The following GLOD5 variants were observed in gnomAD, a reference collection of about 807,000 sequenced individuals.
The protein encoded by GLOD5 is glyoxalase domain containing 5, also known as glyoxalase domain-containing protein 5.
Under a neutral mutation model 9.9 loss-of-function variants are expected in GLOD5, and 7 were observed. That is an observed-to-expected ratio of 0.71 (90% CI 0.40 to 1.33). The LOEUF (loss-of-function observed/expected upper bound fraction) is 1.33, where lower values mean the gene tolerates loss of function less well. Among genes scored for constraint, GLOD5 ranks in the 40% most tolerant of loss-of-function variants. The probability of loss-of-function intolerance (pLI) is 0.01; values close to 1 mark genes in which losing one functional copy is unlikely to be tolerated. For synonymous variants in GLOD5, 49 were observed against 47.3 expected (o/e 1.04, Z -0.14); for missense variants, 146 against 128.4 (o/e 1.14, Z -0.66).
Position 48,765,838 on chromosome X carries a change from T to G in GLOD5, c.67T>G (p.Trp23Gly). 1 of 1,186,070 alleles carries G rather than the reference T, an allele frequency of 8.4e-7. No homozygotes were observed. Among genetic ancestry groups the G allele is most frequent in the Non-Finnish European group, 1.1e-6 (1 of 883,654 alleles). The change falls in exon 2 of 4, where the codon TGG (tryptophan) becomes GGG (glycine). Residue 23 changes from tryptophan (W) to glycine (G), a missense_variant. Coordinates refer to ENST00000303227, the MANE Select transcript of GLOD5 (RefSeq NM_001080489.3). ...TGACTTTTTTTTCTTTTTTTAGTCATGGAGGGACAGCAGTCAGACCCCTCC... is the reference window on the plus strand; with the variant it reads ...TGACTTTTTTTTCTTTTTTTAGTCAGGGAGGGACAGCAGTCAGACCCCTCC... ...MWGRTLEKQS[W>G]RDSSQTPPPC...
intron 1 of GLOD5, 35 bp from the exon 2 acceptor site, chrX:48,765,800 A>G: frequency 1.7e-6 from 2 of 1,186,051 alleles, no homozygotes; most frequent in Non-Finnish European, 2.3e-6. Context: ...ACAAGTGGCA[A>G]TGTGGTCTCT....
chrX:48,765,897 G>A lies in GLOD5; in HGVS notation c.126G>A (p.Val42=). The A allele has an allele frequency of 1.7e-6, 2 of 1,202,482 alleles. No homozygotes were observed. Among genetic ancestry groups the A allele is most frequent in the Non-Finnish European group, 2.2e-6 (2 of 889,780 alleles). ...TTATCCGTAGACTTGACCACATCGT[G>A]ATGACGGTGAAGAGCATCAAAGACA... ...PCLIRRLDHI[V]MTVKSIKDTT... The change falls in exon 2 of 4, where the codon GTG becomes GTA. Residue 42 remains valine (V), a synonymous_variant. Coordinates refer to ENST00000303227, the MANE Select transcript of GLOD5 (RefSeq NM_001080489.3).
In GLOD5 at chrX:48,771,052, G is replaced by T. The variant is rs782363120; in HGVS notation, c.327G>T (p.Val109=). ...TGGACATATGTCTGATCACAGAGGT[G>T]CCTTTGGAGGAAATGATCCAGCACC... The part of the protein sequence containing the change: ...GSLDICLITE[V]PLEEMIQHLK... Residue 109 remains valine, a synonymous_variant, in exon 3 of 4, where the codon GTG becomes GTT. Transcript: ENST00000303227. 1 of 1,194,800 alleles carries T rather than the reference G, an allele frequency of 8.4e-7. No homozygotes were observed. Among genetic ancestry groups the T allele is most frequent in the Admixed American group, 2.3e-5 (1 of 42,626 alleles).
chrX:48,773,425 TCTC>T lies in GLOD5; in HGVS notation c.477_479del (p.Ser160del), dbSNP rs1557017722. The T allele has an allele frequency of 7.5e-6, 9 of 1,205,939 alleles. No homozygotes were observed. The highest frequency in any genetic ancestry group is 2.3e-4 in the Middle Eastern group (1 of 4,362). On this transcript the variant is annotated inframe_deletion, in exon 4 of 4. Coordinates refer to ENST00000303227, the MANE Select transcript of GLOD5 (RefSeq NM_001080489.3). Reference sequence around the variant, plus strand: ...AATCTGATTGAGGTGTCCAACTACATCTCCTCGTGATGGAGGCTGGACCTCCTC... The same window carrying T: ...AATCTGATTGAGGTGTCCAACTACATCTCGTGATGGAGGCTGGACCTCCTC...
At position 48,771,050 on chromosome X, in the gene GLOD5, G is replaced by C. The variant is rs368876870; in HGVS notation, c.325G>C (p.Val109Leu). 4 of 1,193,856 alleles carry C rather than the reference G, an allele frequency of 3.4e-6. No individual in the cohort carries two copies. Among genetic ancestry groups the C allele is most frequent in the Non-Finnish European group, 4.5e-6 (4 of 889,062 alleles). ...GSLDICLITE[V>L]PLEEMIQHLK... is the part of the protein sequence containing the mutation. ...CCTGGACATATGTCTGATCACAGAGGTGCCTTTGGAGGAAATGATCCAGCA... is the reference window on the plus strand; with the variant it reads ...CCTGGACATATGTCTGATCACAGAGCTGCCTTTGGAGGAAATGATCCAGCA... Residue 109 changes from valine to leucine, a missense_variant, in exon 3 of 4, where the codon GTG (valine) becomes CTG (leucine). Transcript: ENST00000303227.
At chrX:48,767,559 T>C (rs2062612470) in intron 2 of GLOD5, among the ~76,000 whole-genome samples, 2 of 111,019 alleles carry the variant, frequency 1.8e-5, no homozygotes, top group Non-Finnish European at 3.8e-5. Context: ...CAGCCTATAA[T>C]CCCACACAGG....
rs782013142 is a variant in GLOD5 at position 48,770,934 on chromosome X, G to A, written c.209G>A (p.Arg70Gln). 15 of 1,183,708 alleles carry A rather than the reference G, an allele frequency of 1.3e-5. No individual in the cohort carries two copies. The highest frequency in any genetic ancestry group is 8.9e-5 in the African/African-American group (5 of 55,879). Reference sequence around the variant, plus strand: ...CCCCTCCCCACCAAGTAGGAAGACCGGAAAGCACTGTGTTTTGGAGACCAG... The same window carrying A: ...CCCCTCCCCACCAAGTAGGAAGACCAGAAAGCACTGTGTTTTGGAGACCAG... ...GMEVMTFKED[R>Q]KALCFGDQKF... is the part of the protein sequence containing the mutation. The change falls in exon 3 of 4, where the codon CGG becomes CAG. Residue 70 changes from arginine to glutamine, a missense_variant. Transcript: ENST00000303227.
chrX:48,762,422 T>A (rs1557016116), intron 1 of GLOD5: 4 of 107,966 alleles, frequency 3.7e-5, no homozygotes, highest in Admixed American at 1.0e-4. Flanking sequence ...GTAAGCCTTG[T>A]GTGATTACTA....
At chrX:48,771,863 A>G (rs2062623152) in intron 3 of GLOD5, among the ~76,000 whole-genome samples, 1 of 111,781 alleles carries the variant, frequency 8.9e-6, no homozygotes, top group Non-Finnish European at 1.9e-5. Flanking sequence ...GAAGGACTGA[A>G]AGAAGATTGG....
chrX:48,762,502 A>T (rs7888327), intron 1 of GLOD5: 28,876 of 99,241 alleles, frequency 0.29, 4,639 homozygotes, highest in African/African-American at 0.56. Flanking sequence ...GCAGTGGTGC[A>T]ATCTCAGGTC....
intron 2 of GLOD5, among the ~76,000 whole-genome samples, chrX:48,767,591 T>G (rs1280436949): frequency 1.8e-5 from 2 of 111,698 alleles, no homozygotes; most frequent in Admixed American, 1.9e-4. Context: ...GCGCCTGTAA[T>G]CCCAGCTACT....
chrX:48,766,076 G>A, intron 2 of GLOD5, 104 bp downstream of exon 2: 1 of 783,713 alleles, frequency 1.3e-6, no homozygotes, highest in East Asian at 3.5e-5. Context: ...AAATCTGAGA[G>A]AAAATATAAA....
intron 3 of GLOD5, among the ~76,000 whole-genome samples, chrX:48,771,480 T>C (rs995369101): frequency 1.8e-5 from 2 of 110,308 alleles, no homozygotes; most frequent in African/African-American, 6.6e-5. Flanking sequence ...CACACCTGGC[T>C]AATTTTTGTA....
chrX:48,773,264 CA>C, intron 3 of GLOD5, 45 bp from the exon 4 acceptor site: 1 of 1,198,088 alleles, frequency 8.3e-7, no homozygotes, highest in Non-Finnish European at 1.1e-6. Context: ...TTTGGTCTCA[CA>C]CACACATTTT....
At chrX:48,763,228 A>G (rs1263550893) in intron 1 of GLOD5, among the ~76,000 whole-genome samples, 2 of 112,560 alleles carry the variant, frequency 1.8e-5, no homozygotes, top group African/African-American at 6.5e-5. Context: ...AATAGAAAGC[A>G]AAGATACAAT....
intron 3 of GLOD5, among the ~76,000 whole-genome samples, chrX:48,771,974 C>G (rs61244100): frequency 9.0e-6 from 1 of 111,594 alleles, no homozygotes; most frequent in Non-Finnish European, 1.9e-5. Context: ...CGGTCACTCA[C>G]GCCTGTAATC....
chrX:48,773,502 C>G lies in GLOD5; in HGVS notation c.*67C>G. 3.0e-5 allele frequency: 33 copies of G among 1,107,753 alleles called. No individual in the cohort carries two copies. In the South Asian group the frequency reaches 6.2e-4, roughly 21 times the overall value. The allele number at this position is 1,107,753 out of a possible 1,213,427, so 91.3% of individuals were successfully genotyped here. ...CCTCTCCTTTCCTTCCTGCAAACCC[C>G]CACCCAGGCCCAGAGATCTCCAAAG... On this transcript the variant is annotated 3_prime_UTR_variant, in exon 4 of 4. Transcript: ENST00000303227.
chrX:48,761,844 G>A lies in GLOD5; in HGVS notation c.54G>A (p.Leu18=). 1.7e-6 allele frequency: 2 copies of A among 1,163,428 alleles called. No individual in the cohort carries two copies. The highest frequency in any genetic ancestry group is 1.9e-5 in the South Asian group (1 of 52,533). ...RLPVKMWGRT[L]EKQSWRDSSQ... ...CAGTCAAGATGTGGGGCAGGACTTT[G>A]GAGAAACAGGTGAACAAGATGGCCC... The change falls in exon 1 of 4, where the codon TTG becomes TTA. Residue 18 remains leucine (L), a synonymous_variant. Coordinates refer to ENST00000303227, the MANE Select transcript of GLOD5 (RefSeq NM_001080489.3).
chrX:48,763,714 A>G (rs782394305), intron 1 of GLOD5, among the ~76,000 whole-genome samples: 2 of 111,865 alleles, frequency 1.8e-5, no homozygotes, highest in African/African-American at 3.2e-5. Flanking sequence ...TAAAAAAGAA[A>G]GTTAATAAAA....
Sources: gnomAD v4.1 joint callset for allele counts (sites outside exome capture counted in the v4.1 genomes callset) on GRCh38, gnomAD v4.1.1 for gene constraint, MANE v1.5 for transcripts, NCBI Gene and HGNC (gene_info 2026-07-23, HGNC 2026-07-21) for gene names.